Variants in ARHGAP6 observed in about 807,000 individuals in gnomAD.
ARHGAP6 encodes the protein rho GTPase-activating protein 6.
In ARHGAP6, 16 loss-of-function variants were observed where a neutral mutation model predicts 55.7. That is an observed-to-expected ratio of 0.29 (90% CI 0.19 to 0.44). ARHGAP6 has a LOEUF of 0.44. Ranked by LOEUF, ARHGAP6 falls within the 20% of genes least tolerant of loss-of-function variation. The pLI is 1.00. For synonymous variants in ARHGAP6, 382 were observed against 360.9 expected, an observed-to-expected ratio of 1.06 and a Z score of -0.66; for missense variants, 698 against 808.9, an observed-to-expected ratio of 0.86 and a Z score of 1.66.
chrX:11,222,576 T>C (rs1351478136), intron 2 of ARHGAP6, among the ~76,000 whole-genome samples: 1 of 112,325 alleles, frequency 8.9e-6, no homozygotes, highest in African/African-American at 3.2e-5. Flanking sequence ...AAATGTCATA[T>C]AAAAAGCTCC....
At chrX:11,530,783 G>C (rs767948013) in intron 1 of ARHGAP6, among the ~76,000 whole-genome samples, 50 of 111,599 alleles carry the variant, frequency 4.5e-4, no homozygotes, top group African/African-American at 1.6e-3. Flanking sequence ...AACTTGTTGA[G>C]TCTGAGGAAC....
intron 1 of ARHGAP6, among the ~76,000 whole-genome samples, chrX:11,263,545 T>C (rs1602981839): frequency 9.0e-6 from 1 of 111,604 alleles, no homozygotes; most frequent in Non-Finnish European, 1.9e-5. Flanking sequence ...TGATAAGAGA[T>C]AGAGAAGGAG....
intron 1 of ARHGAP6, among the ~76,000 whole-genome samples, chrX:11,407,943 A>G (rs1273495464): frequency 9.0e-6 from 1 of 111,476 alleles, no homozygotes; most frequent in Admixed American, 9.6e-5. Flanking sequence ...TAAGGAATTT[A>G]TGAGTAGCTT....
chrX:11,227,378 G>C (rs1233824969), intron 2 of ARHGAP6, among the ~76,000 whole-genome samples: 1 of 111,736 alleles, frequency 8.9e-6, no homozygotes, highest in Non-Finnish European at 1.9e-5. Flanking sequence ...CAGTTATTGC[G>C]AGGCACGTTT....
intron 1 of ARHGAP6, among the ~76,000 whole-genome samples, chrX:11,615,154 C>T (rs960933029): frequency 1.8e-5 from 2 of 111,504 alleles, no homozygotes; most frequent in African/African-American, 6.5e-5. Context: ...TGCTATGCTC[C>T]ATTTCCCAAA....
intron 1 of ARHGAP6, among the ~76,000 whole-genome samples, chrX:11,375,658 G>A (rs1015956889): frequency 8.9e-6 from 1 of 111,968 alleles, no homozygotes; most frequent in Non-Finnish European, 1.9e-5. Flanking sequence ...CAGTACCAAT[G>A]GCTTCTCCCT....
At chrX:11,407,207 C>T (rs2049621186) in intron 1 of ARHGAP6, among the ~76,000 whole-genome samples, 1 of 111,445 alleles carries the variant, frequency 9.0e-6, no homozygotes, top group African/African-American at 3.3e-5. Context: ...CATGGATTTG[C>T]CTATTCTGGA....
intron 1 of ARHGAP6, among the ~76,000 whole-genome samples, chrX:11,364,606 T>C (rs2049052395): frequency 8.9e-6 from 1 of 111,767 alleles, no homozygotes; most frequent in Non-Finnish European, 1.9e-5. Flanking sequence ...GTGGTTACAC[T>C]ATTCCATTTG....
intron 2 of ARHGAP6, among the ~76,000 whole-genome samples, chrX:11,240,159 T>A (rs183494337): frequency 2.7e-5 from 3 of 112,358 alleles, no homozygotes. Flanking sequence ...ATTGGCCCAG[T>A]AAGTTTACAT....
chrX:11,189,073 C>T (rs1039638538), intron 3 of ARHGAP6, 89 bp from the exon 4 acceptor site: 4 of 1,030,899 alleles, frequency 3.9e-6, no homozygotes, highest in Non-Finnish European at 1.3e-6. Context: ...TAAGAACAGA[C>T]ATATTCAAAG....
intron 1 of ARHGAP6, among the ~76,000 whole-genome samples, chrX:11,515,916 A>G (rs2050834102): frequency 8.9e-6 from 1 of 112,790 alleles, no homozygotes; most frequent in African/African-American, 3.2e-5. Flanking sequence ...GAACCTCTGC[A>G]TTGCCAGACC....
At chrX:11,643,005 A>G (rs1251170237) in intron 1 of ARHGAP6, among the ~76,000 whole-genome samples, 2 of 111,566 alleles carry the variant, frequency 1.8e-5, no homozygotes, top group Admixed American at 1.9e-4. Context: ...TGAACAACTC[A>G]TTTGAGATTT....
chrX:11,439,210 G>A (rs1354441389), intron 1 of ARHGAP6, among the ~76,000 whole-genome samples: 1 of 112,539 alleles, frequency 8.9e-6, no homozygotes, highest in Non-Finnish European at 1.9e-5. Flanking sequence ...AACCTGTGGG[G>A]AGATAATTGT....
chrX:11,661,125 C>G (rs753444494), intron 1 of ARHGAP6, among the ~76,000 whole-genome samples: 1 of 112,378 alleles, frequency 8.9e-6, no homozygotes, highest in South Asian at 3.7e-4. Context: ...TTGGCAAACT[C>G]CAGGTTAGCT....
chrX:11,301,073 T>C (rs1386428406), intron 1 of ARHGAP6, among the ~76,000 whole-genome samples: 3 of 112,024 alleles, frequency 2.7e-5, no homozygotes, highest in African/African-American at 9.7e-5. Context: ...TTAAGAAAGA[T>C]AAACTTTTGA....
chrX:11,196,273 TA>T (rs907661896), intron 3 of ARHGAP6, among the ~76,000 whole-genome samples: 2 of 111,655 alleles, frequency 1.8e-5, no homozygotes, highest in African/African-American at 6.5e-5. Flanking sequence ...TGGGAATTCT[TA>T]ATTTAGGGGG....
intron 1 of ARHGAP6, among the ~76,000 whole-genome samples, chrX:11,412,627 A>G (rs1479594188): frequency 8.9e-6 from 1 of 112,334 alleles, no homozygotes; most frequent in Non-Finnish European, 1.9e-5. Flanking sequence ...AGGAATAATC[A>G]TTAATTGAGA....
At chrX:11,518,566 G>A (rs771929118) in intron 1 of ARHGAP6, among the ~76,000 whole-genome samples, 31 of 104,878 alleles carry the variant, frequency 3.0e-4, no homozygotes, top group African/African-American at 1.0e-3. Flanking sequence ...CCAACTAAGG[G>A]ATGTTTCTTT....
At chrX:11,159,389 G>C (rs2045909241) in intron 9 of ARHGAP6, among the ~76,000 whole-genome samples, 1 of 111,452 alleles carries the variant, frequency 9.0e-6, no homozygotes, top group Non-Finnish European at 1.9e-5. Context: ...ACCCAGATAA[G>C]ATGATGGGTC....
Sources: allele counts gnomAD v4.1 joint callset (sites outside exome capture counted in the v4.1 genomes callset), GRCh38; gene constraint gnomAD v4.1.1; transcripts MANE v1.5; gene names NCBI Gene and HGNC (gene_info 2026-07-23, HGNC 2026-07-21).